Variants in GPHN observed in about 807,000 individuals in gnomAD.
GPHN encodes gephyrin.
In GPHN, 17 loss-of-function variants were observed where a neutral mutation model predicts 95.5. The observed-to-expected ratio is 0.18, with a 90% CI of 0.12 to 0.27. GPHN has a LOEUF of 0.27. Ranked by LOEUF, GPHN falls within the 10% of genes least tolerant of loss-of-function variation. GPHN has a pLI of 1.00. For missense variants in GPHN, 660 were observed against 978.1 expected, an observed-to-expected ratio of 0.67 and a Z score of 4.34; for synonymous variants, 320 against 322.5, an observed-to-expected ratio of 0.99 and a Z score of 0.08.
chr14:66,583,547 T>G (rs1433604058), intron 1 of GPHN, among the ~76,000 whole-genome samples: 1 of 152,178 alleles, frequency 6.6e-6, no homozygotes, highest in Non-Finnish European at 1.5e-5. Flanking sequence ...TAATCCATCT[T>G]GAATTAATTT....
the GPHN span, among the ~76,000 whole-genome samples, chr14:67,724,111 T>G: frequency 6.6e-6 from 1 of 152,112 alleles, no homozygotes; most frequent in Non-Finnish European, 1.5e-5. Context: ...ATGCATATGT[T>G]TTGAATGTAG....
At chr14:66,860,892 A>T (rs2062996494) in intron 4 of GPHN, among the ~76,000 whole-genome samples, 2 of 152,108 alleles carry the variant, frequency 1.3e-5, no homozygotes, top group South Asian at 2.1e-4. Flanking sequence ...GCTACAAAAA[A>T]ATATATAAAG....
At chr14:66,607,854 A>G (rs2140907871) in intron 1 of GPHN, among the ~76,000 whole-genome samples, 1 of 151,752 alleles carries the variant, frequency 6.6e-6, no homozygotes, top group Middle Eastern at 3.4e-3. Flanking sequence ...CATCTTTGTC[A>G]TTTCTGTTTG....
At chr14:66,796,610 A>G (rs975675540) in intron 3 of GPHN, among the ~76,000 whole-genome samples, 1 of 152,032 alleles carries the variant, frequency 6.6e-6, no homozygotes, top group Non-Finnish European at 1.5e-5. Flanking sequence ...AATTATGTTG[A>G]GCACCTTTTC....
chr14:67,346,311 ATTTG>A, the GPHN span, among the ~76,000 whole-genome samples: 2 of 152,200 alleles, frequency 1.3e-5, no homozygotes, highest in African/African-American at 4.8e-5. Context: ...AAAGAATATT[ATTTG>A]TTTATTTATT....
At chr14:67,489,849 G>A in the GPHN span, among the ~76,000 whole-genome samples, 1 of 152,182 alleles carries the variant, frequency 6.6e-6, no homozygotes. Flanking sequence ...AATTAGCCAG[G>A]TGTGATGGTG....
intron 10 of GPHN, among the ~76,000 whole-genome samples, chr14:67,045,849 CTCTT>C (rs1404477140): frequency 6.6e-6 from 1 of 152,128 alleles, no homozygotes; most frequent in Non-Finnish European, 1.5e-5. Context: ...CTCCTTTCCT[CTCTT>C]TCTTTTTAAA....
At chr14:67,563,917 T>C in the GPHN span, among the ~76,000 whole-genome samples, 1 of 125,718 alleles carries the variant, frequency 8.0e-6, no homozygotes, top group Non-Finnish European at 1.7e-5. Flanking sequence ...TTTTTTTTTT[T>C]CTGAGACAGA....
chr14:67,086,350 T>A (rs2076881108), intron 11 of GPHN, among the ~76,000 whole-genome samples: 1 of 152,120 alleles, frequency 6.6e-6, no homozygotes, highest in African/African-American at 2.4e-5. Context: ...ACTATGGTGG[T>A]AGTATGGCTG....
At chr14:67,497,599 T>C in the GPHN span, among the ~76,000 whole-genome samples, 1 of 152,204 alleles carries the variant, frequency 6.6e-6, no homozygotes, top group African/African-American at 2.4e-5. Flanking sequence ...TAATTATCTA[T>C]ATCAAGATCC....
intron 3 of GPHN, among the ~76,000 whole-genome samples, chr14:66,794,084 G>A (rs1477017167): frequency 5.9e-5 from 9 of 152,254 alleles, no homozygotes; most frequent in Admixed American, 5.2e-4. Flanking sequence ...AAATTAAAAG[G>A]ATAGAAAAAA....
chr14:67,324,175 T>G, the GPHN span, among the ~76,000 whole-genome samples: 1 of 152,236 alleles, frequency 6.6e-6, no homozygotes, highest in African/African-American at 2.4e-5. Flanking sequence ...TCTCTTCTTT[T>G]TATCCCACTG....
chr14:67,354,447 C>T, the GPHN span, among the ~76,000 whole-genome samples: 6 of 152,094 alleles, frequency 3.9e-5, 1 homozygote, highest in Admixed American at 1.3e-4. Context: ...CCAACAATTC[C>T]ACTTTGCGGA....
chr14:66,530,952 GA>G (rs1244446995), intron 1 of GPHN, among the ~76,000 whole-genome samples: 3 of 118,122 alleles, frequency 2.5e-5, no homozygotes, highest in Non-Finnish European at 4.8e-5. Flanking sequence ...TTGTTTGTTA[GA>G]TTTTTTTTTT....
At chr14:66,771,636 A>G in intron 2 of GPHN, among the ~76,000 whole-genome samples, 1 of 151,954 alleles carries the variant, frequency 6.6e-6, no homozygotes, top group Non-Finnish European at 1.5e-5. Flanking sequence ...CAGGTTAGTT[A>G]CATATGTATA....
chr14:67,726,179 A>AAATGAGG, the GPHN span: 1 of 1,340,746 alleles, frequency 7.5e-7, no homozygotes. Flanking sequence ...GGTGACTAAA[A>AAATGAGG]AATGAGGTAC....
chr14:66,552,975 T>G (rs1224733885), intron 1 of GPHN, among the ~76,000 whole-genome samples: 1 of 150,816 alleles, frequency 6.6e-6, no homozygotes, highest in African/African-American at 2.4e-5. Flanking sequence ...TTTTTTTTTT[T>G]CTTTTTTCTT....
At chr14:66,575,030 C>T (rs2060848270) in intron 1 of GPHN, among the ~76,000 whole-genome samples, 1 of 152,188 alleles carries the variant, frequency 6.6e-6, no homozygotes, top group South Asian at 2.1e-4. Context: ...TAAATCTCCT[C>T]TCATATGTCT....
chr14:67,025,356 T>A (rs2073872528), intron 10 of GPHN, among the ~76,000 whole-genome samples: 1 of 152,212 alleles, frequency 6.6e-6, no homozygotes, highest in Admixed American at 6.5e-5. Context: ...AAGCTGGCCC[T>A]GAAAACCAAG....
Sources: gnomAD v4.1 joint callset for allele counts (sites outside exome capture counted in the v4.1 genomes callset) on GRCh38, gnomAD v4.1.1 for gene constraint, MANE v1.5 for transcripts, NCBI Gene and HGNC (gene_info 2026-07-23, HGNC 2026-07-21) for gene names.